The following KIAA1191 variants were observed in gnomAD, a reference collection of about 807,000 sequenced individuals.
KIAA1191 encodes the protein KIAA1191, also known as putative monooxygenase p33MONOX.
Under a neutral mutation model 31.1 loss-of-function variants are expected in KIAA1191, and 22 were observed. The observed-to-expected ratio is 0.71, with a 90% CI of 0.51 to 1.01. The LOEUF (loss-of-function observed/expected upper bound fraction) is 1.01. KIAA1191 is among the 50% of genes least tolerant of loss of function. The pLI, the probability that KIAA1191 is intolerant of heterozygous loss-of-function variation, is 0.00. For missense variants in KIAA1191, 319 were observed against 388.0 expected, an observed-to-expected ratio of 0.82 and a Z score of 1.49; for synonymous variants, 130 against 143.9, an observed-to-expected ratio of 0.90 and a Z score of 0.69.
At chr5:176,348,226 G>A (rs201577673) in intron 7 of KIAA1191, 24 bp downstream of exon 7, 25 of 1,609,026 alleles carry the variant, frequency 1.6e-5, no homozygotes, top group African/African-American at 1.2e-4. Context: ...GCAGGAACTC[G>A]GAAGGGTCAC....
At chr5:176,351,182 A>G (rs1335014878) in intron 5 of KIAA1191, among the ~76,000 whole-genome samples, 2 of 151,746 alleles carry the variant, frequency 1.3e-5, no homozygotes, top group African/African-American at 4.8e-5. Flanking sequence ...CTCTACTAAA[A>G]ATACAAAAAT....
In KIAA1191 at chr5:176,347,863, T is replaced by C. The variant is rs1383880194; in HGVS notation, c.710-55A>G. 14 of 1,610,736 alleles carry C rather than the reference T, an allele frequency of 8.7e-6. No individual in the cohort carries two copies. In the East Asian group the frequency reaches 2.7e-4, roughly 31 times the overall value. On this transcript the variant is annotated intron_variant, in intron 8 of 8. Transcript: ENST00000298569. ...TTCAAAACCAGTAAACAGCTCCCGGTATACAATATGGTAAGATGTCTGCCA... is the reference window on the plus strand; with the variant it reads ...TTCAAAACCAGTAAACAGCTCCCGGCATACAATATGGTAAGATGTCTGCCA...
intron 2 of KIAA1191, 50 bp from the exon 3 acceptor site, chr5:176,359,617 G>A (rs758654609): frequency 6.9e-6 from 6 of 875,826 alleles, no homozygotes; most frequent in Non-Finnish European, 9.7e-6. Flanking sequence ...CACCAATGCT[G>A]TTCTTCTGGC....
intron 3 of KIAA1191, chr5:176,357,373 A>C (rs1767600865): frequency 6.6e-6 from 1 of 152,188 alleles, no homozygotes; most frequent in Non-Finnish European, 1.5e-5. Flanking sequence ...CTGTGAATAT[A>C]CTAAAAATCA....
In KIAA1191 at chr5:176,352,163, A is replaced by C. The variant is rs991472224; in HGVS notation, c.334+459T>G. On this transcript the variant is annotated intron_variant, in intron 5 of 8. Coordinates refer to ENST00000298569, the MANE Select transcript of KIAA1191 (RefSeq NM_020444.5). Reference sequence around the variant, plus strand: ...CCAACTTTGAGCTGTTTAAAAAAAAAAAAACAAAAAAAAAAACAAAAACTG... The same window carrying C: ...CCAACTTTGAGCTGTTTAAAAAAAACAAAACAAAAAAAAAAACAAAAACTG... Among the ~76,000 whole-genome samples the C allele has an allele frequency of 7.3e-5, 11 of 149,914 alleles. No individual in the cohort carries two copies. In the East Asian group the frequency reaches 7.9e-4, roughly 11 times the overall value.
intron 1 of KIAA1191, among the ~76,000 whole-genome samples, chr5:176,360,301 C>T (rs1350104136): frequency 2.0e-5 from 3 of 151,736 alleles, no homozygotes; most frequent in African/African-American, 4.8e-5. Flanking sequence ...GGACTACAGG[C>T]GTCTGCCACC....
chr5:176,352,178 A>AAAAAAAAAAAC (rs1554119735), intron 5 of KIAA1191, among the ~76,000 whole-genome samples: 3 of 149,028 alleles, frequency 2.0e-5, no homozygotes, highest in African/African-American at 5.0e-5. Context: ...CAAAAAAAAA[A>AAAAAAAAAAAC]ACAAAAACTG....
Position 176,355,517 on chromosome 5 carries a change from A to C in KIAA1191, c.207+54T>G. The C allele has an allele frequency of 6.4e-7, 1 of 1,553,918 alleles. No individual in the cohort carries two copies. Among genetic ancestry groups the C allele is most frequent in the Non-Finnish European group, 8.8e-7 (1 of 1,139,656 alleles). On this transcript the variant is annotated intron_variant, in intron 4 of 8. Transcript: ENST00000298569. The surrounding 1 kb of genome is among the most constrained non-coding windows in gnomAD (Gnocchi z 4.2). ...GGGAGCCACTGAAGGCTTCTGGAGC[A>C]GAGGAAGGACAAAGGGGTTGCGTAT...
rs747793573 is a variant in KIAA1191 at position 176,352,685 on chromosome 5, C to T, written c.271G>A (p.Val91Met). ...AMTLSSAIDS[V>M]DKVPVVKAKA... is the part of the protein sequence containing the mutation. The stretch of plus-strand genomic sequence containing the variant: ...GCCTTCACCACTGGGACCTTGTCCA[C>T]ACTGTCAATGGCTGATGACAGGGTC... The change falls in exon 5 of 9, where the codon GTG (valine) becomes ATG (methionine). Residue 91 changes from valine (V) to methionine (M), a missense_variant. By Grantham distance (21) the Val-to-Met change is conservative (BLOSUM62 1). Transcript: ENST00000298569. 1.2e-6 allele frequency: 2 copies of T among 1,614,106 alleles called. No individual in the cohort carries two copies. The highest frequency in any genetic ancestry group is 2.2e-5 in the East Asian group (1 of 44,874).
At chr5:176,356,918 T>C (rs1245232294) in intron 3 of KIAA1191, among the ~76,000 whole-genome samples, 2 of 152,064 alleles carry the variant, frequency 1.3e-5, no homozygotes, top group East Asian at 1.9e-4. Context: ...ACCATAGAAA[T>C]AAAAAGAGGA....
At chr5:176,360,050 A>ATTTGTTCTTTATAGCTAACACTATAAAC in intron 1 of KIAA1191, 132 bp from the exon 2 acceptor site, 1 of 153,870 alleles carries the variant, frequency 6.5e-6, no homozygotes, top group Non-Finnish European at 1.4e-5. Context: ...CAGTAGGGAA[A>ATTTGTTCTTTATAGCTAACACTATAAAC]TTTGTTCTTT....
In KIAA1191 at chr5:176,355,454, C is replaced by T. The variant is rs1767424773; in HGVS notation, c.207+117G>A. 1.2e-6 allele frequency: 1 copy of T among 815,246 alleles called. No homozygotes were observed. Among genetic ancestry groups the T allele is most frequent in the Non-Finnish European group, 2.0e-6 (1 of 505,628 alleles). The allele number at this position is 815,246 out of a possible 1,614,324, so 50.5% of individuals were successfully genotyped here. A position where few individuals can be genotyped will look rare whatever the true frequency, so the allele number is the denominator to read the frequency against. ...AGCTATAACTGAGGCACAGAAAACA[C>T]ATACAGGGAGTGGTTGCTGCCCAGT... On this transcript the variant is annotated intron_variant, in intron 4 of 8. Coordinates refer to ENST00000298569, the MANE Select transcript of KIAA1191 (RefSeq NM_020444.5). This position sits in a 1 kb window ranked among gnomAD's most constrained non-coding sequence, Gnocchi z 4.2.
At position 176,359,529 on chromosome 5, in the gene KIAA1191, G is replaced by C. The variant is rs747181046; in HGVS notation, c.-21C>G. 6.2e-7 allele frequency: 1 copy of C among 1,609,370 alleles called. No individual in the cohort carries two copies. Among genetic ancestry groups the C allele is most frequent in the South Asian group, 1.1e-5 (1 of 90,980 alleles). On this transcript the variant is annotated 5_prime_UTR_variant, in exon 3 of 9. Coordinates refer to ENST00000298569, the MANE Select transcript of KIAA1191 (RefSeq NM_020444.5). Reference sequence around the variant, plus strand: ...GCCATTGAAAGACTGGGATCCAGGTGCTTTTTCTATACAGAATTCCGAGCT... The same window carrying C: ...GCCATTGAAAGACTGGGATCCAGGTCCTTTTTCTATACAGAATTCCGAGCT...
chr5:176,352,494 G>T, intron 5 of KIAA1191, 128 bp downstream of exon 5: 2 of 1,101,560 alleles, frequency 1.8e-6, no homozygotes, highest in Non-Finnish European at 2.6e-6. Context: ...TGATTCAGCA[G>T]CCAAACTGAC....
At chr5:176,353,880 GCTGCAGCAGGCCTTTTCTCC>G (rs1767260469) in intron 4 of KIAA1191, among the ~76,000 whole-genome samples, 2 of 152,186 alleles carry the variant, frequency 1.3e-5, no homozygotes, top group Non-Finnish European at 1.5e-5. Flanking sequence ...TCACAGGCAA[GCTGCAGCAGGCCTTTTCTCC>G]CTGCACTTTT....
intron 3 of KIAA1191, among the ~76,000 whole-genome samples, chr5:176,357,702 C>A (rs755338761): frequency 1.3e-5 from 2 of 152,098 alleles, no homozygotes; most frequent in Non-Finnish European, 2.9e-5. Context: ...GACGGCTACA[C>A]GGAGTTTGTG....
At chr5:176,350,474 A>C (rs1405510584) in intron 6 of KIAA1191, 139 bp downstream of exon 6, 18 of 1,091,272 alleles carry the variant, frequency 1.6e-5, no homozygotes, top group Non-Finnish European at 1.2e-5. Context: ...GGATAAGCAA[A>C]AACTACGAGG....
Position 176,347,358 on chromosome 5 carries a change from C to T in KIAA1191, c.*242G>A, listed in dbSNP as rs1451558861. ...CTGGGACTACAGGCGCCCACCACCA[C>T]GCCCAGCTAATTTTTGTATTTTTAG... On this transcript the variant is annotated 3_prime_UTR_variant, in exon 9 of 9. Coordinates refer to ENST00000298569, the MANE Select transcript of KIAA1191 (RefSeq NM_020444.5). The T allele has an allele frequency of 1.2e-5, 3 of 243,780 alleles. No individual in the cohort carries two copies. Among genetic ancestry groups the T allele is most frequent in the Middle Eastern group, 1.3e-3 (1 of 786 alleles). The allele number at this position is 243,780 out of a possible 1,614,324, so 15.1% of individuals were successfully genotyped here.
intron 3 of KIAA1191, among the ~76,000 whole-genome samples, chr5:176,357,437 A>C (rs1385289934): frequency 1.3e-5 from 2 of 152,234 alleles, no homozygotes; most frequent in South Asian, 2.1e-4. Flanking sequence ...TTACATCTCA[A>C]ACACACACAC....
Sources: gnomAD v4.1 joint callset for allele counts (sites outside exome capture counted in the v4.1 genomes callset) on GRCh38, gnomAD v4.1.1 for gene constraint, Gnocchi (gnomAD v3.1) non-coding constraint, MANE v1.5 for transcripts, NCBI Gene and HGNC (gene_info 2026-07-23, HGNC 2026-07-21) for gene names.